NELL2: variants seen among roughly 807,000 people sequenced by gnomAD.
NELL2 encodes the protein protein kinase C-binding protein NELL2.
NELL2 carries 41 observed loss-of-function variants against 109.6 expected under a neutral mutation model. The ratio of observed to expected loss-of-function variants is 0.37; its 90% confidence interval spans 0.29 to 0.49. NELL2 has a LOEUF of 0.49. Ranked by LOEUF, NELL2 falls within the 20% of genes least tolerant of loss-of-function variation. The pLI is 0.98. For missense variants in NELL2, 900 were observed against 1,008.3 expected (o/e 0.89, Z 1.45); for synonymous variants, 355 against 344.7 (o/e 1.03, Z -0.33).
At chr12:44,776,219 C>T in intron 7 of NELL2, 69 bp from the exon 8 acceptor site, 2 of 1,564,668 alleles carry the variant, frequency 1.3e-6, no homozygotes, top group Non-Finnish European at 1.7e-6. Context: ...AAACACTCCG[C>T]AGGTATCTTT....
intron 1 of NELL2, among the ~76,000 whole-genome samples, chr12:44,886,131 GGA>G (rs1260913646): frequency 6.7e-6 from 1 of 148,480 alleles, no homozygotes; most frequent in Non-Finnish European, 1.5e-5. Context: ...AAGGAAGGAA[GGA>G]AGGAAGGAAG....
chr12:44,659,735 C>CTGAAA, intron 13 of NELL2, among the ~76,000 whole-genome samples: 1 of 152,108 alleles, frequency 6.6e-6, no homozygotes, highest in South Asian at 2.1e-4. Flanking sequence ...AAGTTAAGTA[C>CTGAAA]TTTCAGAAGT....
upstream of NELL2, among the ~76,000 whole-genome samples, chr12:44,917,678 T>G (rs1332018116): frequency 6.6e-6 from 1 of 152,206 alleles, no homozygotes; most frequent in East Asian, 1.9e-4. Context: ...TCAGTTGATT[T>G]CAAGTTAATC....
intron 13 of NELL2, among the ~76,000 whole-genome samples, chr12:44,644,271 G>T (rs1479117709): frequency 2.0e-5 from 3 of 151,958 alleles, no homozygotes; most frequent in African/African-American, 7.2e-5. Flanking sequence ...GTGCTAGCAG[G>T]ACTGACAGAC....
intron 3 of NELL2, among the ~76,000 whole-genome samples, chr12:44,799,581 T>C (rs926338843): frequency 2.6e-5 from 4 of 152,196 alleles, no homozygotes; most frequent in Non-Finnish European, 4.4e-5. Context: ...TAATATATTA[T>C]ATTCTTCTAA....
intron 3 of NELL2, among the ~76,000 whole-genome samples, chr12:44,794,629 G>C (rs1354046871): frequency 6.6e-6 from 1 of 152,014 alleles, no homozygotes; most frequent in Admixed American, 6.6e-5. Context: ...TCTGTAAACT[G>C]CCCTCCCATC....
At chr12:44,666,520 A>G (rs1947931063) in intron 12 of NELL2, among the ~76,000 whole-genome samples, 1 of 152,228 alleles carries the variant, frequency 6.6e-6, no homozygotes, top group Admixed American at 6.5e-5. Context: ...TGGATCAACT[A>G]TAAGAGATAG....
rs146354945 is a variant in NELL2 at position 44,557,630 on chromosome 12, T to C, written c.1664-24909A>G. On this transcript the variant is annotated intron_variant, in intron 15 of 19. Transcript: ENST00000429094. ...ACTTTAGACTACGTTGAGATTTTAGTGTTTGTGAGAAATCTGGGTAAATAT... is the reference window on the plus strand; with the variant it reads ...ACTTTAGACTACGTTGAGATTTTAGCGTTTGTGAGAAATCTGGGTAAATAT... Among the ~76,000 whole-genome samples the C allele has an allele frequency of 5.1e-3, 774 of 152,322 alleles. 8 individuals are homozygous for C. Among genetic ancestry groups the C allele is most frequent in the African/African-American group, 0.017 (726 of 41,574 alleles).
rs924980276 is a variant in NELL2 at position 44,520,112 on chromosome 12, T to C, written c.2293A>G (p.Ile765Val). The change falls in exon 19 of 20, where the codon ATC becomes GTC. Residue 765 changes from isoleucine (I) to valine (V), a missense_variant. Ile to Val is a conservative substitution (Grantham distance 29). Around this residue, in one of 4 missense-constraint regions of NELL2, gnomAD observed 333 missense variants for 432.3 expected, o/e 0.77. Transcript: ENST00000429094. ...CVTDPCQADT[I>V]RNDITKTCLD... ...CAAGTCTTGGTGATGTCATTGCGGATGGTGTCAGCCTGGCAAGGGTCTGTG... is the reference window on the plus strand; with the variant it reads ...CAAGTCTTGGTGATGTCATTGCGGACGGTGTCAGCCTGGCAAGGGTCTGTG... 9 of 1,614,052 alleles carry C rather than the reference T, an allele frequency of 5.6e-6. No homozygotes were observed. The highest frequency in any genetic ancestry group is 7.6e-6 in the Non-Finnish European group (9 of 1,180,038).
Position 44,780,081 on chromosome 12 carries a change from T to C in NELL2, c.336-59A>G, listed in dbSNP as rs1941899905. On this transcript the variant is annotated intron_variant, in intron 3 of 19. Coordinates refer to ENST00000429094, the MANE Select transcript of NELL2 (RefSeq NM_001145108.2). ...AAATAAAGTTCAAAAACGATTGAAG[T>C]GATCTCTGTCTACGGGATGGAATAG... 5 of 1,563,852 alleles carry C rather than the reference T, an allele frequency of 3.2e-6. No individual in the cohort carries two copies. In the Admixed American group the frequency reaches 8.8e-5, roughly 27 times the overall value.
chr12:44,877,075 G>A (rs2703036), upstream of NELL2: 3,723 of 192,986 alleles, frequency 0.019, 143 homozygotes, highest in African/African-American at 0.081. Context: ...CCAGCATACA[G>A]CAGAAGGCAA....
chr12:44,865,412 C>A (rs1592677133), intron 2 of NELL2, among the ~76,000 whole-genome samples: 1 of 120,818 alleles, frequency 8.3e-6, no homozygotes, highest in Admixed American at 8.6e-5. Context: ...TGGAACCAAC[C>A]CAAATGTCCA....
intron 9 of NELL2, among the ~76,000 whole-genome samples, chr12:44,747,742 T>C (rs1940455201): frequency 6.6e-6 from 1 of 152,148 alleles, no homozygotes; most frequent in Admixed American, 6.6e-5. Context: ...ATTACCCATG[T>C]GCTGTTGCCA....
At chr12:44,780,531 G>A (rs902939048) in intron 3 of NELL2, among the ~76,000 whole-genome samples, 6 of 151,782 alleles carry the variant, frequency 4.0e-5, no homozygotes, top group African/African-American at 1.5e-4. Flanking sequence ...CCAGAATAGT[G>A]TCAGAGAAGG....
chr12:44,514,015 A>C (rs1941134685), intron 19 of NELL2, among the ~76,000 whole-genome samples: 2 of 151,766 alleles, frequency 1.3e-5, no homozygotes, highest in African/African-American at 4.8e-5. Context: ...AAGATAGAGA[A>C]TCATGAAAGG....
intron 3 of NELL2, among the ~76,000 whole-genome samples, chr12:44,815,376 T>G (rs756500199): frequency 2.0e-5 from 3 of 152,172 alleles, no homozygotes; most frequent in Non-Finnish European, 2.9e-5. Context: ...ACCCAGACAA[T>G]TTTACAAAGC....
chr12:44,707,202 C>T (rs1053410754), intron 11 of NELL2, among the ~76,000 whole-genome samples: 2 of 152,120 alleles, frequency 1.3e-5, no homozygotes, highest in Non-Finnish European at 2.9e-5. Flanking sequence ...CAATGCAGTC[C>T]ACTGGCCTGG....
chr12:44,596,222 T>G (rs1031263688), intron 15 of NELL2, among the ~76,000 whole-genome samples: 1 of 152,226 alleles, frequency 6.6e-6, no homozygotes, highest in African/African-American at 2.4e-5. Flanking sequence ...ACACAAGAAC[T>G]TAAGAAATCT....
chr12:44,519,976 GCTCA>G (rs760099083), intron 19 of NELL2, 25 bp downstream of exon 19: 7 of 1,590,644 alleles, frequency 4.4e-6, no homozygotes, highest in East Asian at 2.2e-5. Context: ...CTGGCAAAGT[GCTCA>G]CTATTTAAAT....
Sources: gnomAD v4.1 joint callset for allele counts (sites outside exome capture counted in the v4.1 genomes callset) on GRCh38, gnomAD v4.1.1 for gene constraint, gnomAD v4.1.1 regional missense constraint, MANE v1.5 for transcripts, NCBI Gene and HGNC (gene_info 2026-07-23, HGNC 2026-07-21) for gene names.